The following LRP1B variants were observed in gnomAD, a reference collection of about 807,000 sequenced individuals.
LRP1B encodes the protein low-density lipoprotein receptor-related protein 1B.
In LRP1B, 217 loss-of-function variants were observed where a neutral mutation model predicts 556.6. The observed-to-expected ratio is 0.39, with a 90% CI of 0.35 to 0.44. The LOEUF (loss-of-function observed/expected upper bound fraction) is 0.44. Ranked by LOEUF, LRP1B falls within the 20% of genes least tolerant of loss-of-function variation. The pLI, the probability that LRP1B is intolerant of heterozygous loss-of-function variation, is 1.00. For synonymous variants in LRP1B, 2,047 were observed against 1,865.8 expected, an observed-to-expected ratio of 1.10 and a Z score of -2.50; for missense variants, 5,053 against 5,620.8, an observed-to-expected ratio of 0.90 and a Z score of 3.23.
At chr2:142,034,477 A>G (rs1472761082) in intron 1 of LRP1B, among the ~76,000 whole-genome samples, 1 of 151,600 alleles carries the variant, frequency 6.6e-6, no homozygotes, top group Non-Finnish European at 1.5e-5. Context: ...TACTAAACTG[A>G]TAACATCCAT....
chr2:141,683,798 T>C (rs112898126), intron 2 of LRP1B, among the ~76,000 whole-genome samples: 2 of 152,132 alleles, frequency 1.3e-5, no homozygotes, highest in African/African-American at 4.8e-5. Flanking sequence ...AAGCCAAAGA[T>C]GTGGTTCCAC....
chr2:142,047,524 G>GTT (rs34777357), intron 1 of LRP1B, among the ~76,000 whole-genome samples: 3 of 148,462 alleles, frequency 2.0e-5, no homozygotes, highest in African/African-American at 4.9e-5. Flanking sequence ...GATATTTTAT[G>GTT]TTTTTTTTTT....
At chr2:141,918,390 T>C (rs1373525250) in intron 1 of LRP1B, among the ~76,000 whole-genome samples, 1 of 152,100 alleles carries the variant, frequency 6.6e-6, no homozygotes, top group Admixed American at 6.6e-5. Flanking sequence ...ACTGGCACCA[T>C]TGAAAAAGGA....
chr2:141,042,959 A>G (rs1324998248), intron 11 of LRP1B, among the ~76,000 whole-genome samples: 2 of 149,804 alleles, frequency 1.3e-5, no homozygotes, highest in East Asian at 3.9e-4. Context: ...TGTGGGGCTC[A>G]GGCAAGTGGA....
intron 3 of LRP1B, among the ~76,000 whole-genome samples, chr2:141,421,031 C>G (rs2104963120): frequency 6.6e-6 from 1 of 152,296 alleles, no homozygotes; most frequent in Admixed American, 6.5e-5. Context: ...TTCAACGTAG[C>G]TGTTCTTGGC....
intron 1 of LRP1B, among the ~76,000 whole-genome samples, chr2:142,044,980 G>A (rs1574627676): frequency 6.6e-6 from 1 of 151,618 alleles, no homozygotes; most frequent in South Asian, 2.1e-4. Flanking sequence ...ATCTCTATAT[G>A]CATTGTCATA....
At chr2:140,446,263 A>G (rs561315231) in intron 63 of LRP1B, among the ~76,000 whole-genome samples, 1 of 152,278 alleles carries the variant, frequency 6.6e-6, no homozygotes, top group Admixed American at 6.5e-5. Flanking sequence ...CAACTATTAA[A>G]GGAATGCTTT....
rs191498357 is a variant in LRP1B, at chr2:140,274,054, T to C, written c.13142+370A>G. The stretch of plus-strand genomic sequence containing the variant: ...TGCAACAGAAAAGCAAACCTACTTA[T>C]TGTCAATAACAATGATGAAACAATT... On this transcript the variant is annotated intron_variant, in intron 85 of 90. Coordinates refer to ENST00000389484, the MANE Select transcript of LRP1B (RefSeq NM_018557.3). 2.4e-3 allele frequency among the ~76,000 whole-genome samples: 367 copies of C among 152,108 alleles called. 3 individuals carry two copies. Among genetic ancestry groups the C allele is most frequent in the African/African-American group, 8.0e-3 (332 of 41,540 alleles).
chr2:141,202,716 T>C (rs1251440815), intron 6 of LRP1B, among the ~76,000 whole-genome samples: 4 of 148,902 alleles, frequency 2.7e-5, no homozygotes, highest in African/African-American at 9.8e-5. Context: ...TACATCTTTT[T>C]TGAGAAATGT....
Position 141,724,236 on chromosome 2 carries a change from A to G in LRP1B, c.205+86043T>C, listed in dbSNP as rs926514209. Among the ~76,000 whole-genome samples the G allele has an allele frequency of 3.3e-5, 5 of 151,942 alleles. 1 individual carries two copies. The highest frequency in any genetic ancestry group is 2.0e-4 in the Admixed American group (3 of 15,242). On this transcript the variant is annotated intron_variant, in intron 2 of 90. Transcript: ENST00000389484. ...TATATACAAGCAGAAAACAAACTAC[A>G]TATAAGGATTCATGTAAGTTGGTGA...
At chr2:140,728,262 T>C (rs1420160433) in intron 35 of LRP1B, among the ~76,000 whole-genome samples, 1 of 152,152 alleles carries the variant, frequency 6.6e-6, no homozygotes, top group Non-Finnish European at 1.5e-5. Flanking sequence ...TTCAAAGCAA[T>C]TGCACTGTGC....
chr2:140,704,344 A>C (rs532630122), intron 37 of LRP1B, among the ~76,000 whole-genome samples: 13 of 152,114 alleles, frequency 8.5e-5, no homozygotes, highest in Non-Finnish European at 1.8e-4. Flanking sequence ...TTTTTCTTGA[A>C]AATGCTGTGT....
At chr2:141,498,461 T>C (rs1360164696) in intron 2 of LRP1B, among the ~76,000 whole-genome samples, 1 of 152,000 alleles carries the variant, frequency 6.6e-6, no homozygotes, top group Non-Finnish European at 1.5e-5. Context: ...ATGTGAGTTT[T>C]AGGACACTGT....
chr2:140,929,461 G>C (rs552404277), intron 20 of LRP1B, among the ~76,000 whole-genome samples: 1 of 152,190 alleles, frequency 6.6e-6, no homozygotes, highest in African/African-American at 2.4e-5. Flanking sequence ...TAATGTGTGA[G>C]CAGAAGAGGG....
At chr2:140,266,740 C>A (rs1682220352) in intron 86 of LRP1B, among the ~76,000 whole-genome samples, 1 of 151,980 alleles carries the variant, frequency 6.6e-6, no homozygotes, top group Non-Finnish European at 1.5e-5. Flanking sequence ...GTGAACATGT[C>A]TCTTCACGTA....
At chr2:141,004,221 A>G (rs1558794548) in intron 15 of LRP1B, among the ~76,000 whole-genome samples, 1 of 152,064 alleles carries the variant, frequency 6.6e-6, no homozygotes, top group Non-Finnish European at 1.5e-5. Context: ...TGGGGTGCTC[A>G]GATGTTTGGT....
chr2:141,373,107 C>T (rs764562412), intron 3 of LRP1B, among the ~76,000 whole-genome samples: 1 of 152,036 alleles, frequency 6.6e-6, no homozygotes, highest in Non-Finnish European at 1.5e-5. Flanking sequence ...ACCCAGTTAT[C>T]ATTCAAGAGC....
At chr2:142,115,855 C>CGTA (rs1559080744) in intron 1 of LRP1B, among the ~76,000 whole-genome samples, 55 of 3,502 alleles carry the variant, frequency 0.016, 23 homozygotes, top group African/African-American at 0.08. Context: ...TATATATATA[C>CGTA]ATATATATAT....
chr2:140,927,034 A>C (rs191663689), intron 20 of LRP1B, among the ~76,000 whole-genome samples: 18 of 152,212 alleles, frequency 1.2e-4, no homozygotes, highest in African/African-American at 4.3e-4. Context: ...GGTCAGGCGC[A>C]GTGGCTCACA....
Sources: allele counts gnomAD v4.1 joint callset (sites outside exome capture counted in the v4.1 genomes callset), GRCh38; gene constraint gnomAD v4.1.1; transcripts MANE v1.5; gene names NCBI Gene and HGNC (gene_info 2026-07-23, HGNC 2026-07-21).